GALNTL6: variants seen among roughly 807,000 people sequenced by gnomAD.
The protein encoded by GALNTL6 is polypeptide N-acetylgalactosaminyltransferase like 6, also known as polypeptide N-acetylgalactosaminyltransferase-like 6.
GALNTL6 carries 46 observed loss-of-function variants against 73.7 expected under a neutral mutation model. The observed-to-expected ratio is 0.62, with a 90% CI of 0.49 to 0.80. The LOEUF is 0.80. Among genes scored for constraint, GALNTL6 ranks in the 30% least tolerant of loss-of-function variants. The probability of loss-of-function intolerance (pLI) is 0.00; values close to 1 mark genes in which losing one functional copy is unlikely to be tolerated. For missense variants in GALNTL6, 604 were observed against 755.0 expected (o/e 0.80, Z 2.34); for synonymous variants, 259 against 263.7 (o/e 0.98, Z 0.17).
intron 4 of GALNTL6, among the ~76,000 whole-genome samples, chr4:172,320,728 A>G (rs1740728898): frequency 6.6e-6 from 1 of 152,110 alleles, no homozygotes; most frequent in African/African-American, 2.4e-5. Flanking sequence ...CACTGTTAAA[A>G]ACAAGAAAGC....
At chr4:172,325,137 A>G (rs542031941) in intron 4 of GALNTL6, among the ~76,000 whole-genome samples, 1 of 152,018 alleles carries the variant, frequency 6.6e-6, no homozygotes, top group African/African-American at 2.4e-5. Context: ...ACACATTATT[A>G]TCAATTATGA....
At chr4:172,739,320 G>A (rs539011809) in intron 5 of GALNTL6, among the ~76,000 whole-genome samples, 126 of 152,264 alleles carry the variant, frequency 8.3e-4, no homozygotes, top group African/African-American at 2.9e-3. Flanking sequence ...AGGTATGTTA[G>A]AACTCACTGT....
At chr4:172,354,132 A>C (rs576641847) in intron 5 of GALNTL6, among the ~76,000 whole-genome samples, 63 of 152,240 alleles carry the variant, frequency 4.1e-4, no homozygotes, top group African/African-American at 1.3e-3. Flanking sequence ...CAGTCGACAA[A>C]AATGTTTTAG....
intron 2 of GALNTL6, among the ~76,000 whole-genome samples, chr4:171,948,396 C>G (rs929875208): frequency 6.6e-6 from 1 of 152,024 alleles, no homozygotes; most frequent in Non-Finnish European, 1.5e-5. Flanking sequence ...TGGCTATGGC[C>G]CTGGGTGTAA....
At chr4:172,619,843 G>T (rs141866904) in intron 5 of GALNTL6, among the ~76,000 whole-genome samples, 1 of 151,894 alleles carries the variant, frequency 6.6e-6, no homozygotes, top group Non-Finnish European at 1.5e-5. Flanking sequence ...CTTTTTATTC[G>T]TAAGTACTAT....
At chr4:172,793,927 T>C (rs1740129497) in intron 5 of GALNTL6, among the ~76,000 whole-genome samples, 1 of 152,214 alleles carries the variant, frequency 6.6e-6, no homozygotes, top group South Asian at 2.1e-4. Flanking sequence ...CATACATATG[T>C]GCATGTGTGT....
intron 2 of GALNTL6, among the ~76,000 whole-genome samples, chr4:172,174,368 T>A (rs1016028444): frequency 8.5e-5 from 13 of 152,208 alleles, no homozygotes; most frequent in African/African-American, 2.9e-4. Context: ...AGTATAGATC[T>A]TTTTCTTTTC....
chr4:172,140,180 C>T (rs1236674111), intron 2 of GALNTL6, among the ~76,000 whole-genome samples: 1 of 151,894 alleles, frequency 6.6e-6, no homozygotes, highest in Non-Finnish European at 1.5e-5. Flanking sequence ...TCTTTATGCC[C>T]AAATATTTCC....
chr4:172,049,742 G>T (rs1230384077), intron 2 of GALNTL6, among the ~76,000 whole-genome samples: 1 of 152,046 alleles, frequency 6.6e-6, no homozygotes, highest in Admixed American at 6.6e-5. Context: ...CCAGCACTTT[G>T]GGAGGCCAAG....
At chr4:172,596,769 C>A (rs929716452) in intron 5 of GALNTL6, among the ~76,000 whole-genome samples, 1 of 152,078 alleles carries the variant, frequency 6.6e-6, no homozygotes, top group African/African-American at 2.4e-5. Flanking sequence ...ATTGTATATA[C>A]ACATATATAC....
intron 2 of GALNTL6, among the ~76,000 whole-genome samples, chr4:171,932,106 A>C (rs994410144): frequency 6.6e-6 from 1 of 152,206 alleles, no homozygotes; most frequent in African/African-American, 2.4e-5. Context: ...CCTAGAGTTA[A>C]GGATATTTTT....
chr4:172,283,004 T>C (rs977510746), intron 3 of GALNTL6, among the ~76,000 whole-genome samples: 1 of 152,220 alleles, frequency 6.6e-6, no homozygotes, highest in African/African-American at 2.4e-5. Flanking sequence ...TGTTTCTCTT[T>C]GCTCTACATT....
At chr4:172,589,525 G>A (rs1001656097) in intron 5 of GALNTL6, among the ~76,000 whole-genome samples, 1 of 152,264 alleles carries the variant, frequency 6.6e-6, no homozygotes, top group South Asian at 2.1e-4. Flanking sequence ...GCTCTGAGAA[G>A]TTAAGTAACT....
intron 5 of GALNTL6, among the ~76,000 whole-genome samples, chr4:172,760,991 A>G (rs1738051683): frequency 6.6e-6 from 1 of 152,224 alleles, no homozygotes; most frequent in Non-Finnish European, 1.5e-5. Flanking sequence ...TGAAGAGAGA[A>G]TAGAAACAGG....
At chr4:172,242,560 A>G (rs73870045) in intron 3 of GALNTL6, among the ~76,000 whole-genome samples, 1,794 of 152,248 alleles carry the variant, frequency 0.012, 34 homozygotes, top group African/African-American at 0.04. Flanking sequence ...AACAGATTAT[A>G]CTCTCATCTA....
intron 5 of GALNTL6, among the ~76,000 whole-genome samples, chr4:172,604,105 A>T (rs981348060): frequency 3.3e-5 from 5 of 152,170 alleles, no homozygotes; most frequent in Admixed American, 2.6e-4. Context: ...GTCAAGAAAG[A>T]TTTTCATAAT....
intron 2 of GALNTL6, among the ~76,000 whole-genome samples, chr4:172,139,025 G>A (rs1050737435): frequency 4.6e-5 from 7 of 152,066 alleles, no homozygotes; most frequent in Non-Finnish European, 8.8e-5. Context: ...CAATCGATCA[G>A]CAATGATTTG....
At chr4:172,865,190 A>C (rs1461470768) in intron 7 of GALNTL6, among the ~76,000 whole-genome samples, 1 of 152,238 alleles carries the variant, frequency 6.6e-6, no homozygotes, top group East Asian at 1.9e-4. Context: ...GCTGTCATAG[A>C]GAAAAGGCTG....
At chr4:172,849,120 G>A (rs1743673907) in intron 7 of GALNTL6, among the ~76,000 whole-genome samples, 1 of 152,076 alleles carries the variant, frequency 6.6e-6, no homozygotes, top group African/African-American at 2.4e-5. Flanking sequence ...TTCAGTCCTT[G>A]TCCCTATCTT....
Sources: allele counts gnomAD v4.1 joint callset (sites outside exome capture counted in the v4.1 genomes callset), GRCh38; gene constraint gnomAD v4.1.1; transcripts MANE v1.5; gene names NCBI Gene and HGNC (gene_info 2026-07-23, HGNC 2026-07-21).